The following ARSB variants were observed in gnomAD, a reference collection of about 807,000 sequenced individuals.
ARSB encodes the protein N-acetylgalactosamine-4-sulfatase.
ARSB carries 41 observed loss-of-function variants against 50.9 expected under a neutral mutation model. That is an observed-to-expected ratio of 0.81 (90% CI 0.63 to 1.04). ARSB has a LOEUF of 1.04. ARSB is among the 50% of genes least tolerant of loss of function. The pLI is 0.00. For synonymous variants in ARSB, 269 were observed against 284.8 expected, an observed-to-expected ratio of 0.94 and a Z score of 0.56; for missense variants, 672 against 693.3, an observed-to-expected ratio of 0.97 and a Z score of 0.35.
At chr5:78,883,217 A>G (rs914565012) in intron 5 of ARSB, 1 of 152,152 alleles carries the variant, frequency 6.6e-6, no homozygotes, top group Non-Finnish European at 1.5e-5. Flanking sequence ...AAAGAAAAAG[A>G]AAAAAAAGTC....
chr5:78,882,923 A>C (rs1747828932), intron 5 of ARSB: 1 of 151,806 alleles, frequency 6.6e-6, no homozygotes, highest in South Asian at 2.1e-4. Flanking sequence ...AGCTGGAATT[A>C]CAGGTGCCCA....
chr5:78,848,261 C>G (rs1349536475), intron 5 of ARSB, among the ~76,000 whole-genome samples: 3 of 120,110 alleles, frequency 2.5e-5, no homozygotes, highest in African/African-American at 9.7e-5. Flanking sequence ...TGTTCCCCTT[C>G]CTGTGTCCAT....
chr5:78,864,795 G>A (rs190874380), intron 5 of ARSB, among the ~76,000 whole-genome samples: 24 of 152,320 alleles, frequency 1.6e-4, no homozygotes, highest in African/African-American at 5.1e-4. Context: ...CATTCCAAAT[G>A]GGAGAAATTG....
chr5:78,801,919 T>C (rs1213016034), intron 6 of ARSB, among the ~76,000 whole-genome samples: 2 of 152,194 alleles, frequency 1.3e-5, no homozygotes, highest in African/African-American at 4.8e-5. Flanking sequence ...GAAATAAATG[T>C]CTATACTGTT....
At chr5:78,824,272 T>C (rs764357253) in intron 6 of ARSB, among the ~76,000 whole-genome samples, 1 of 152,240 alleles carries the variant, frequency 6.6e-6, no homozygotes, top group Non-Finnish European at 1.5e-5. Flanking sequence ...ATACAATTTA[T>C]AAAACAGTTC....
At chr5:78,853,825 C>A (rs1429376810) in intron 5 of ARSB, among the ~76,000 whole-genome samples, 1 of 152,228 alleles carries the variant, frequency 6.6e-6, no homozygotes, top group African/African-American at 2.4e-5. Context: ...GCTGTGCTAG[C>A]AATCAGCGAA....
Position 78,885,669 on chromosome 5 carries a change from A to T in ARSB, c.1057T>A (p.Trp353Arg), listed in dbSNP as rs1554079297. ...GCCAGCTTCACGAGTGTTGGCAGCC[A>T]GTCAGAGATGTGGATGAGCTCCCGG... ...KNRELIHISD[W>R]LPTLVKLARG... Residue 353 changes from tryptophan (W) to arginine (R), a missense_variant, in exon 5 of 8, where the codon TGG (tryptophan) becomes AGG (arginine). Trp to Arg is a moderately radical substitution (Grantham distance 101). Transcript: ENST00000264914. 6.2e-7 allele frequency: 1 copy of T among 1,614,124 alleles called. No individual in the cohort carries two copies. Among genetic ancestry groups the T allele is most frequent in the Non-Finnish European group, 8.5e-7 (1 of 1,180,020 alleles).
chr5:78,819,005 G>A (rs528935821), intron 6 of ARSB, among the ~76,000 whole-genome samples: 294 of 152,294 alleles, frequency 1.9e-3, no homozygotes, highest in Non-Finnish European at 3.0e-3. Flanking sequence ...CCTGCACAGT[G>A]AGCAGTGAAT....
In ARSB at chr5:78,919,568, T is replaced by C. The variant is rs571563005; in HGVS notation, c.899-33741A>G. On this transcript the variant is annotated intron_variant, in intron 4 of 7. Coordinates refer to ENST00000264914, the MANE Select transcript of ARSB (RefSeq NM_000046.5). The stretch of plus-strand genomic sequence containing the variant: ...AGTGCAGTGGCACGATCTTGGCTCA[T>C]TGCAACCTCCGCCTCCCGGATTCAA... Among the ~76,000 whole-genome samples the C allele has an allele frequency of 1.8e-3, 281 of 152,182 alleles. 4 individuals carry two copies. Among genetic ancestry groups the C allele is most frequent in the African/African-American group, 6.4e-3 (266 of 41,534 alleles).
rs1485423740 is a variant in ARSB at position 78,868,001 on chromosome 5, A to G, written c.1142+17583T>C. Among the ~76,000 whole-genome samples the G allele has an allele frequency of 2.3e-5, 3 of 128,900 alleles. No individual in the cohort carries two copies. In the South Asian group the frequency reaches 9.2e-4, roughly 39 times the overall value. 84.6% of individuals were successfully genotyped at this position (128,900 alleles called of 152,430 possible). On this transcript the variant is annotated intron_variant, in intron 5 of 7. Transcript: ENST00000264914. Reference sequence around the variant, plus strand: ...TGGAGCTGAAAACCAAGGCTCGAGAACTACGTGAAGAATGCAGAAGCCTCA... The same window carrying G: ...TGGAGCTGAAAACCAAGGCTCGAGAGCTACGTGAAGAATGCAGAAGCCTCA...
intron 5 of ARSB, among the ~76,000 whole-genome samples, chr5:78,857,445 T>C (rs765970504): frequency 6.6e-6 from 1 of 152,260 alleles, no homozygotes; most frequent in Non-Finnish European, 1.5e-5. Flanking sequence ...ATCAGATTGT[T>C]GATTTTATTT....
intron 6 of ARSB, among the ~76,000 whole-genome samples, chr5:78,821,354 T>A (rs1218804981): frequency 6.6e-6 from 1 of 152,156 alleles, no homozygotes; most frequent in Non-Finnish European, 1.5e-5. Context: ...GCCAGGTTGG[T>A]CTCGAACTCC....
chr5:78,807,687 C>T (rs1188802872), intron 6 of ARSB, among the ~76,000 whole-genome samples: 6 of 152,176 alleles, frequency 3.9e-5, no homozygotes, highest in Non-Finnish European at 7.4e-5. Context: ...ACCCTCTTCT[C>T]TAACTAGGAG....
chr5:78,867,137 C>T (rs1370286917), intron 5 of ARSB, among the ~76,000 whole-genome samples: 13 of 152,192 alleles, frequency 8.5e-5, no homozygotes, highest in Non-Finnish European at 1.8e-4. Context: ...TACCACGAGA[C>T]TATATCCCAC....
intron 4 of ARSB, among the ~76,000 whole-genome samples, chr5:78,947,975 C>T (rs892176175): frequency 1.3e-5 from 2 of 152,140 alleles, no homozygotes; most frequent in Non-Finnish European, 2.9e-5. Context: ...AGATCAACCA[C>T]GTGCAACAAC....
At chr5:78,944,913 C>T (rs1287976531) in intron 4 of ARSB, among the ~76,000 whole-genome samples, 35 of 152,220 alleles carry the variant, frequency 2.3e-4, no homozygotes, top group Admixed American at 2.2e-3. Context: ...CCTTGAGCTG[C>T]GGTGGGCTCT....
chr5:78,780,727 A>G, intron 7 of ARSB, 65 bp from the exon 8 acceptor site: 1 of 1,590,696 alleles, frequency 6.3e-7, no homozygotes, highest in Non-Finnish European at 8.6e-7. Flanking sequence ...ATTTCAGGGA[A>G]GGAGTCTGAG....
intron 5 of ARSB, among the ~76,000 whole-genome samples, chr5:78,867,084 C>G (rs1265180264): frequency 2.6e-5 from 4 of 151,186 alleles, no homozygotes; most frequent in African/African-American, 7.3e-5. Context: ...CGGGTCACTC[C>G]CACCCGAATA....
chr5:78,785,033 C>A (rs562935971), intron 6 of ARSB, among the ~76,000 whole-genome samples: 3 of 152,236 alleles, frequency 2.0e-5, no homozygotes, highest in African/African-American at 4.8e-5. Flanking sequence ...CTCCTGACCT[C>A]ATGATCCGCC....
Sources: allele counts gnomAD v4.1 joint callset (sites outside exome capture counted in the v4.1 genomes callset), GRCh38; gene constraint gnomAD v4.1.1; transcripts MANE v1.5; gene names NCBI Gene and HGNC (gene_info 2026-07-23, HGNC 2026-07-21).